The following ADGRB2 variants were observed in gnomAD, a reference collection of about 807,000 sequenced individuals.
ADGRB2 encodes brain-specific angiogenesis inhibitor 2.
ADGRB2 carries 47 observed loss-of-function variants against 178.7 expected under a neutral mutation model. The observed-to-expected ratio is 0.26, with a 90% CI of 0.21 to 0.34. The LOEUF (loss-of-function observed/expected upper bound fraction) is 0.34. Ranked by LOEUF, ADGRB2 falls within the 10% of genes least tolerant of loss-of-function variation. The pLI is 1.00. For synonymous variants in ADGRB2, 870 were observed against 912.4 expected, an observed-to-expected ratio of 0.95 and a Z score of 0.84; for missense variants, 1,584 against 2,180.8, an observed-to-expected ratio of 0.73 and a Z score of 5.45.
chr1:31,730,734 C>A (rs1439861977), intron 29 of ADGRB2, 66 bp downstream of exon 29: 2 of 1,410,272 alleles, frequency 1.4e-6, no homozygotes, highest in African/African-American at 1.4e-5. Flanking sequence ...GAGGCTGTCC[C>A]CTCCTGGCTG....
At position 31,731,387 on chromosome 1, in the gene ADGRB2, A is replaced by G; in HGVS notation, c.3793T>C (p.Ser1265Pro). The change falls in exon 29 of 33, where the codon TCC becomes CCC. Residue 1265 changes from serine to proline, a missense_variant. Physicochemically the swap from Ser to Pro is moderately conservative, Grantham distance 74. Coordinates refer to ENST00000373658, the MANE Select transcript of ADGRB2 (RefSeq NM_001364857.2). ...CGGGATAGTGTGCCCGTGATGGTGGACGGGTTGCAAGTGTTGACCTCCTTG... is the reference window on the plus strand; with the variant it reads ...CGGGATAGTGTGCCCGTGATGGTGGGCGGGTTGCAAGTGTTGACCTCCTTG... ...LFKEVNTCNPSTITGTLSRLS... is the reference protein window; with the variant it reads ...LFKEVNTCNPPTITGTLSRLS... 6.2e-7 allele frequency: 1 copy of G among 1,609,148 alleles called. No individual in the cohort carries two copies. The highest frequency in any genetic ancestry group is 2.2e-5 in the East Asian group (1 of 44,840).
chr1:31,736,268 A>T (rs1645602175), intron 22 of ADGRB2, 53 bp downstream of exon 22: 4 of 1,596,698 alleles, frequency 2.5e-6, no homozygotes, highest in South Asian at 1.1e-5. Flanking sequence ...GCCCAGTCCG[A>T]TTCCCTAACA....
chr1:31,751,968 C>T (rs1276145644), intron 4 of ADGRB2, among the ~76,000 whole-genome samples: 1 of 152,176 alleles, frequency 6.6e-6, no homozygotes, highest in Non-Finnish European at 1.5e-5. Context: ...ACCCTCCCCA[C>T]AGCTCTGTGG....
In ADGRB2 at chr1:31,764,115, C is replaced by CCGCCGCCGCCGCCTCCTTGCCG. The variant is rs1647132564; in HGVS notation, c.-444_-423dup. ...GGCCGGGCGCGGGCTCCTGCCGCCGCCGCCGCCGCCGCCTCCTTGCCGCGC... is the reference window on the plus strand; with the variant it reads ...GGCCGGGCGCGGGCTCCTGCCGCCGCCGCCGCCGCCGCCTCCTTGCCGCGCCGCCGCCGCCTCCTTGCCGCGC... On this transcript the variant is annotated 5_prime_UTR_variant, in exon 1 of 33. Transcript: ENST00000373658. The surrounding 1 kb of genome is among the most constrained non-coding windows in gnomAD (Gnocchi z 7.3). 8.8e-6 allele frequency: 8 copies of CCGCCGCCGCCGCCTCCTTGCCG among 912,508 alleles called. No individual in the cohort carries two copies. Among genetic ancestry groups the CCGCCGCCGCCGCCTCCTTGCCG allele is most frequent in the Admixed American group, 1.3e-4 (2 of 15,546 alleles). 56.5% of individuals were successfully genotyped at this position (912,508 alleles called of 1,614,324 possible). A position where few individuals can be genotyped will look rare whatever the true frequency, so the allele number is the denominator to read the frequency against.
At chr1:31,732,226 C>T in intron 27 of ADGRB2, 72 bp from the exon 28 acceptor site, 1 of 1,594,112 alleles carries the variant, frequency 6.3e-7, no homozygotes. Context: ...AGGCTCAGGC[C>T]CTCCCCAGCC....
At chr1:31,732,854 A>G (rs1013686988) in intron 26 of ADGRB2, 118 bp downstream of exon 26, 14 of 1,361,588 alleles carry the variant, frequency 1.0e-5, no homozygotes, top group African/African-American at 1.5e-5. Context: ...AGGGCTGCCC[A>G]GATGGGGCCT....
Position 31,738,646 on chromosome 1 carries a change from C to T in ADGRB2, c.2602-16G>A. 6.2e-7 allele frequency: 1 copy of T among 1,612,554 alleles called. No homozygotes were observed. The stretch of plus-strand genomic sequence containing the variant: ...CCGTGGTCCCCTGGGGAGCAAAAGA[C>T]ATGAGTGCAGTCTAGGGAGGGAAGC... On this transcript the variant is annotated splice_polypyrimidine_tract_variant and intron_variant, in intron 16 of 32. Transcript: ENST00000373658.
chr1:31,735,594 C>T lies in ADGRB2; in HGVS notation c.3339G>A (p.Lys1113=). 1.2e-6 allele frequency: 2 copies of T among 1,613,960 alleles called. No individual in the cohort carries two copies. Among genetic ancestry groups the T allele is most frequent in the Non-Finnish European group, 1.7e-6 (2 of 1,179,894 alleles). Residue 1113 remains lysine (K), a synonymous_variant, in exon 24 of 33, where the codon AAG becomes AAA. Transcript: ENST00000373658. The surrounding 1 kb of genome is among the most constrained non-coding windows in gnomAD (Gnocchi z 6.0). Reference sequence around the variant, plus strand: ...CCCCCCCTTACCCGGCCCTCTGCTTCTTGGATTTGTCGGAGATGCCATCAC... The same window carrying T: ...CCCCCCCTTACCCGGCCCTCTGCTTTTTGGATTTGTCGGAGATGCCATCAC... ...MARDGISDKS[K]KQRAGSERCP...
rs377345636 is a variant in ADGRB2 at position 31,744,740 on chromosome 1, C to T, written c.839-9G>A. ...CTCTTCCGGCTCCTCACCTGGAACACGGAGGTGGTGGCAGGGGCTCAGCAA... is the reference window on the plus strand; with the variant it reads ...CTCTTCCGGCTCCTCACCTGGAACATGGAGGTGGTGGCAGGGGCTCAGCAA... On this transcript the variant is annotated splice_polypyrimidine_tract_variant and intron_variant, in intron 4 of 32. Coordinates refer to ENST00000373658, the MANE Select transcript of ADGRB2 (RefSeq NM_001364857.2). This position sits in a 1 kb window ranked among gnomAD's most constrained non-coding sequence, Gnocchi z 6.7. The T allele has an allele frequency of 7.9e-5, 127 of 1,613,990 alleles. No homozygotes were observed. The South Asian group carries it at 8.6e-4, about 11-fold the overall frequency.
At position 31,740,102 on chromosome 1, in the gene ADGRB2, C is replaced by T. The variant is rs764131525; in HGVS notation, c.2058+8G>A. On this transcript the variant is annotated splice_region_variant and intron_variant, in intron 13 of 32. Coordinates refer to ENST00000373658, the MANE Select transcript of ADGRB2 (RefSeq NM_001364857.2). This position sits in a 1 kb window ranked among gnomAD's most constrained non-coding sequence, Gnocchi z 5.9. ...ACGGGAGGAGAAGCTGGCAGCTGTGCCCCGCACCTGCTGAGCATCGTCCCA... is the reference window on the plus strand; with the variant it reads ...ACGGGAGGAGAAGCTGGCAGCTGTGTCCCGCACCTGCTGAGCATCGTCCCA... 4 of 1,614,140 alleles carry T rather than the reference C, an allele frequency of 2.5e-6. No individual in the cohort carries two copies. Among genetic ancestry groups the T allele is most frequent in the Middle Eastern group, 1.6e-4 (1 of 6,062 alleles).
chr1:31,756,412 C>T lies in ADGRB2; in HGVS notation c.425G>A (p.Cys142Tyr). 6.2e-7 allele frequency: 1 copy of T among 1,612,916 alleles called. No individual in the cohort carries two copies. The change falls in exon 4 of 33, where the codon TGC becomes TAC. Residue 142 changes from cysteine to tyrosine, a missense_variant. Coordinates refer to ENST00000373658, the MANE Select transcript of ADGRB2 (RefSeq NM_001364857.2). The surrounding 1 kb of genome is among the most constrained non-coding windows in gnomAD (Gnocchi z 8.5). ...EAEAAAGLEL[C>Y]SGSGPFTFLH... ...GAAGGTAAAGGGGCCTGAGCCGCTG[C>T]ACAGCTCCAACCCCGCTGCCGCCTC...
At position 31,744,234 on chromosome 1, in the gene ADGRB2, A is replaced by G. The variant is rs1646149609; in HGVS notation, c.1046T>C (p.Leu349Pro). Residue 349 changes from leucine to proline, a missense_variant, in exon 6 of 33, where the codon CTG (leucine) becomes CCG (proline). Transcript: ENST00000373658. The surrounding 1 kb of genome is among the most constrained non-coding windows in gnomAD (Gnocchi z 6.7). ...SPYGTLCSGP[L>P]RETRPCNNSA... ...ATTGTTGCAGGGCCTGGTCTCCCGCAGGGGCCCGCTGCACAGGGTCCCATA... is the reference window on the plus strand; with the variant it reads ...ATTGTTGCAGGGCCTGGTCTCCCGCGGGGGCCCGCTGCACAGGGTCCCATA... 1.3e-6 allele frequency: 2 copies of G among 1,545,978 alleles called. No individual in the cohort carries two copies. Among genetic ancestry groups the G allele is most frequent in the African/African-American group, 1.4e-5 (1 of 72,828 alleles).
At chr1:31,763,764 G>A in intron 1 of ADGRB2, 120 bp downstream of exon 1, 1 of 980,762 alleles carries the variant, frequency 1.0e-6, no homozygotes, top group Non-Finnish European at 1.2e-6. Flanking sequence ...TCGGGCTGGG[G>A]GAGAATTCAG....
intron 20 of ADGRB2, among the ~76,000 whole-genome samples, chr1:31,737,032 C>T (rs1200244228): frequency 6.6e-6 from 1 of 152,194 alleles, no homozygotes; most frequent in Non-Finnish European, 1.5e-5. Flanking sequence ...CTGTGCCTGG[C>T]ATGCATGGTG....
chr1:31,738,470 A>T, intron 17 of ADGRB2, 117 bp downstream of exon 17: 1 of 1,526,818 alleles, frequency 6.5e-7, no homozygotes, highest in Non-Finnish European at 8.9e-7. Context: ...TACGTTCTTG[A>T]CCCCTTAGGC....
intron 15 of ADGRB2, 40 bp from the exon 16 acceptor site, chr1:31,738,977 G>A (rs1395268818): frequency 1.3e-6 from 2 of 1,531,962 alleles, no homozygotes; most frequent in Admixed American, 1.7e-5. Flanking sequence ...GCCAGCGGGT[G>A]CCAGCCCCAG....
chr1:31,757,137 C>T lies in ADGRB2; in HGVS notation c.21+64G>A, dbSNP rs146795147. On this transcript the variant is annotated intron_variant, in intron 3 of 32. Coordinates refer to ENST00000373658, the MANE Select transcript of ADGRB2 (RefSeq NM_001364857.2). ...GTTGTTGTTGCCATCGTTCTGTTTC[C>T]TCAGAGTCAGCCCATCAACTACAAG... 1.1e-4 allele frequency: 179 copies of T among 1,612,980 alleles called. 1 individual carries two copies. The African/African-American group carries it at 1.8e-3, about 16-fold the overall frequency.
intron 4 of ADGRB2, among the ~76,000 whole-genome samples, chr1:31,748,019 G>A (rs1308250582): frequency 1.3e-5 from 2 of 152,138 alleles, no homozygotes; most frequent in African/African-American, 4.8e-5. Context: ...TCGTGTCTGG[G>A]GCATCTACCA....
Position 31,741,113 on chromosome 1 carries a change from C to A in ADGRB2, c.1794+260G>T, listed in dbSNP as rs1018283290. 6.6e-6 allele frequency among the ~76,000 whole-genome samples: 1 copy of A among 152,166 alleles called. No individual in the cohort carries two copies. Among genetic ancestry groups the A allele is most frequent in the African/African-American group, 2.4e-5 (1 of 41,422 alleles). On this transcript the variant is annotated intron_variant, in intron 11 of 32. Transcript: ENST00000373658. This position sits in a 1 kb window ranked among gnomAD's most constrained non-coding sequence, Gnocchi z 6.5. Reference sequence around the variant, plus strand: ...GCCCCAGTCTAGCAGCACACACAGACACTTGGATGAGCACCTAATGACTGA... The same window carrying A: ...GCCCCAGTCTAGCAGCACACACAGAAACTTGGATGAGCACCTAATGACTGA...
Sources: allele counts gnomAD v4.1 joint callset (sites outside exome capture counted in the v4.1 genomes callset), GRCh38; gene constraint gnomAD v4.1.1; non-coding constraint Gnocchi (gnomAD v3.1); transcripts MANE v1.5; gene names NCBI Gene and HGNC (gene_info 2026-07-23, HGNC 2026-07-21).